Variants in RBMS2 observed in about 807,000 individuals in gnomAD.
The protein encoded by RBMS2 is RNA-binding motif, single-stranded-interacting protein 2.
RBMS2 carries 38 observed loss-of-function variants against 58.4 expected under a neutral mutation model. The observed-to-expected ratio is 0.65, with a 90% CI of 0.50 to 0.85. The LOEUF (loss-of-function observed/expected upper bound fraction) is 0.85. RBMS2 is among the 40% of genes least tolerant of loss of function. RBMS2 has a pLI of 0.00. For missense variants in RBMS2, 367 were observed against 503.7 expected, an observed-to-expected ratio of 0.73 and a Z score of 2.60; for synonymous variants, 151 against 180.7, an observed-to-expected ratio of 0.84 and a Z score of 1.32.
intron 1 of RBMS2, among the ~76,000 whole-genome samples, chr12:56,551,894 C>A (rs1157544837): frequency 6.6e-6 from 1 of 152,192 alleles, no homozygotes; most frequent in Admixed American, 6.5e-5. Flanking sequence ...TCAAGACCAG[C>A]CTGGCCAACA....
chr12:56,542,304 A>C (rs1435875513), intron 1 of RBMS2, among the ~76,000 whole-genome samples: 1 of 150,372 alleles, frequency 6.7e-6, no homozygotes, highest in Non-Finnish European at 1.5e-5. Flanking sequence ...GGCTCAAGGG[A>C]TCTTCCCACC....
intron 1 of RBMS2, among the ~76,000 whole-genome samples, chr12:56,533,295 A>T (rs1271258695): frequency 6.7e-6 from 1 of 149,876 alleles, no homozygotes; most frequent in Non-Finnish European, 1.5e-5. Context: ...AGACACAGGG[A>T]CTCGCTATGT....
At chr12:56,559,997 C>T (rs1880093876) in intron 1 of RBMS2, among the ~76,000 whole-genome samples, 1 of 141,278 alleles carries the variant, frequency 7.1e-6, no homozygotes, top group Non-Finnish European at 1.5e-5. Flanking sequence ...CAGGTTCAAG[C>T]ATTTCTCCTG....
At chr12:56,544,388 C>T (rs1011554648) in intron 1 of RBMS2, among the ~76,000 whole-genome samples, 10 of 152,128 alleles carry the variant, frequency 6.6e-5, no homozygotes, top group African/African-American at 2.4e-4. Flanking sequence ...AGAGGAGTTG[C>T]AGGAAATATT....
chr12:56,596,127 A>G lies in RBMS2; in HGVS notation c.*6994A>G, dbSNP rs1885796960. 6.5e-6 allele frequency: 1 copy of G among 152,732 alleles called. No homozygotes were observed. Among genetic ancestry groups the G allele is most frequent in the Non-Finnish European group, 1.5e-5 (1 of 68,054 alleles). 9.5% of individuals were successfully genotyped at this position (152,732 alleles called of 1,614,324 possible). On this transcript the variant is annotated 3_prime_UTR_variant, in exon 14 of 14. Coordinates refer to ENST00000262031, the MANE Select transcript of RBMS2 (RefSeq NM_002898.4). Reference sequence around the variant, plus strand: ...ATTCACAAAAAACTGTACATTATCAAAAAGTCACTAAAACACCACATTTGG... The same window carrying G: ...ATTCACAAAAAACTGTACATTATCAGAAAGTCACTAAAACACCACATTTGG...
intron 1 of RBMS2, among the ~76,000 whole-genome samples, chr12:56,544,087 C>G (rs996667873): frequency 1.3e-5 from 2 of 151,246 alleles, no homozygotes; most frequent in Non-Finnish European, 2.9e-5. Flanking sequence ...ACCAGCCTGA[C>G]CAACATGGTG....
chr12:56,575,515 G>T (rs1882980257), intron 5 of RBMS2, among the ~76,000 whole-genome samples: 1 of 151,860 alleles, frequency 6.6e-6, no homozygotes, highest in African/African-American at 2.4e-5. Flanking sequence ...GGAGCTATGG[G>T]CCCATAGGAC....
chr12:56,561,810 C>T (rs910085737), intron 1 of RBMS2, among the ~76,000 whole-genome samples: 10 of 150,254 alleles, frequency 6.7e-5, no homozygotes, highest in Non-Finnish European at 1.5e-5. Flanking sequence ...GGTGAGCCAC[C>T]GCGCCCGTCC....
chr12:56,569,758 T>G (rs1881973642), intron 3 of RBMS2, 141 bp from the exon 4 acceptor site: 4 of 734,020 alleles, frequency 5.4e-6, no homozygotes, highest in Non-Finnish European at 9.3e-6. Context: ...TGTGGATAAC[T>G]ACCTGAAACC....
chr12:56,558,275 T>C (rs1879656854), intron 1 of RBMS2, among the ~76,000 whole-genome samples: 2 of 11,642 alleles, frequency 1.7e-4, no homozygotes, highest in African/African-American at 2.8e-4. Context: ...CTCGGTCTCT[T>C]GACCTCATGA....
chr12:56,547,368 T>A (rs7298042), intron 1 of RBMS2, among the ~76,000 whole-genome samples: 1 of 151,162 alleles, frequency 6.6e-6, no homozygotes, highest in African/African-American at 2.4e-5. Flanking sequence ...AAAACAAAAA[T>A]GAAAAAAGTT....
chr12:56,535,244 C>T lies in RBMS2; in HGVS notation c.66+13155C>T, dbSNP rs1247222167. ...GTGCAGTAGCTCATGCCTGTAACCT[C>T]AGCACTTTGGGAGGCTGAGGTGAGC... On this transcript the variant is annotated intron_variant, in intron 1 of 13. Transcript: ENST00000262031. 4.6e-5 allele frequency among the ~76,000 whole-genome samples: 7 copies of T among 152,104 alleles called. No homozygotes were observed. The East Asian group carries it at 1.4e-3, about 29-fold the overall frequency.
chr12:56,530,756 G>A (rs1037475794), intron 1 of RBMS2, among the ~76,000 whole-genome samples: 5 of 152,140 alleles, frequency 3.3e-5, no homozygotes, highest in Admixed American at 1.3e-4. Context: ...GCATATTCAC[G>A]TCCCTCCAAC....
intron 5 of RBMS2, among the ~76,000 whole-genome samples, chr12:56,579,583 G>A (rs1456382624): frequency 2.0e-5 from 3 of 150,410 alleles, no homozygotes; most frequent in South Asian, 2.1e-4. Context: ...GTAGTGAGCC[G>A]AGATCGCGCC....
At chr12:56,569,380 G>A (rs1881912197) in intron 3 of RBMS2, among the ~76,000 whole-genome samples, 2 of 152,122 alleles carry the variant, frequency 1.3e-5, no homozygotes, top group Admixed American at 1.3e-4. Context: ...GAGTGTTTTG[G>A]TGGGTGTTAT....
chr12:56,588,499 C>T (rs998479944), intron 12 of RBMS2, 125 bp downstream of exon 12: 51 of 912,696 alleles, frequency 5.6e-5, no homozygotes, highest in Admixed American at 4.7e-4. Flanking sequence ...GGTAGGTATA[C>T]GAAGAACGTA....
In RBMS2 at chr12:56,538,504, G is replaced by A. The variant is rs1260451789; in HGVS notation, c.66+16415G>A. Among the ~76,000 whole-genome samples the A allele has an allele frequency of 5.5e-5, 7 of 127,598 alleles. No homozygotes were observed. The East Asian group carries it at 1.2e-3, about 22-fold the overall frequency. 83.7% of individuals were successfully genotyped at this position (127,598 alleles called of 152,430 possible). On this transcript the variant is annotated intron_variant, in intron 1 of 13. Transcript: ENST00000262031. Reference sequence around the variant, plus strand: ...TTTTTTTTTTTTTTTCTGAGACGGAGTCTCAGGCTGTCTCACTCTGTCACC... The same window carrying A: ...TTTTTTTTTTTTTTTCTGAGACGGAATCTCAGGCTGTCTCACTCTGTCACC...
At chr12:56,536,695 G>C (rs1874934282) in intron 1 of RBMS2, among the ~76,000 whole-genome samples, 1 of 150,648 alleles carries the variant, frequency 6.6e-6, no homozygotes, top group Admixed American at 6.6e-5. Context: ...AGCCTTCCTA[G>C]TAGCTGGGAC....
chr12:56,551,425 G>A (rs1049450602), intron 1 of RBMS2, among the ~76,000 whole-genome samples: 2 of 152,160 alleles, frequency 1.3e-5, no homozygotes, highest in African/African-American at 4.8e-5. Flanking sequence ...TTAGAAGTAA[G>A]GGATGGTAGC....
Sources: allele counts gnomAD v4.1 joint callset (sites outside exome capture counted in the v4.1 genomes callset), GRCh38; gene constraint gnomAD v4.1.1; transcripts MANE v1.5; gene names NCBI Gene and HGNC (gene_info 2026-07-23, HGNC 2026-07-21).